Variants in ACTL7B observed in about 807,000 individuals in gnomAD.
ACTL7B encodes actin like 7B.
Under a neutral mutation model 17.5 loss-of-function variants are expected in ACTL7B, and 14 were observed. That is an observed-to-expected ratio of 0.80 (90% confidence interval 0.53 to 1.25). The LOEUF is 1.25. ACTL7B is among the 50% of genes most tolerant of loss of function. The pLI is 0.00. For synonymous variants in ACTL7B, 267 were observed against 252.4 expected, an observed-to-expected ratio of 1.06 and a Z score of -0.55; for missense variants, 599 against 573.9, an observed-to-expected ratio of 1.04 and a Z score of -0.45.
Position 108,855,696 on chromosome 9 carries a change from C to T in ACTL7B, c.235G>A (p.Val79Met). The change falls in exon 1 of 1, where the codon GTG (valine) becomes ATG (methionine). Residue 79 changes from valine (V) to methionine (M), a missense_variant. Coordinates refer to ENST00000374667, the MANE Select transcript of ACTL7B (RefSeq NM_006686.4). ...GCCGCCTCGGGGCAGCGTTTGCCCA[C>T]GGTGGAGGAGATGAAGTAGGTGGGC... ...PRPTYFISST[V>M]GKRCPEAADA... The T allele has an allele frequency of 6.2e-7, 1 of 1,611,104 alleles. No individual in the cohort carries two copies. The highest frequency in any genetic ancestry group is 1.3e-5 in the African/African-American group (1 of 75,076).
rs1219977233 is a variant in ACTL7B, at chr9:108,854,647, C to A, written c.*36G>T. On this transcript the variant is annotated 3_prime_UTR_variant, in exon 1 of 1. Transcript: ENST00000374667. The stretch of plus-strand genomic sequence containing the variant: ...TGTGTATAGAGAGGCCTGTGGCCAT[C>A]TGTGCTGGAGGCCTTGTCTGTGGAA... The A allele has an allele frequency of 6.9e-7, 1 of 1,444,150 alleles. No homozygotes were observed. The highest frequency in any genetic ancestry group is 2.0e-4 in the Middle Eastern group (1 of 4,898). The allele number at this position is 1,444,150 out of a possible 1,614,324, so 89.5% of individuals were successfully genotyped here.
Position 108,854,707 on chromosome 9 carries a change from G to T in ACTL7B, c.1224C>A (p.Ser408Arg), listed in dbSNP as rs769353389. The T allele has an allele frequency of 7.9e-6, 12 of 1,516,806 alleles. 1 individual carries two copies. In the South Asian group the frequency reaches 1.2e-4, roughly 15 times the overall value. 94.0% of individuals were successfully genotyped at this position (1,516,806 alleles called of 1,614,324 possible). Residue 408 changes from serine (S) to arginine (R), a missense_variant, in exon 1 of 1, where the codon AGC becomes AGA. Ser to Arg is a moderately radical substitution (Grantham distance 110, BLOSUM62 -1). Transcript: ENST00000374667. ...VSKEEFEERG[S>R]VAIYSKC is the part of the protein sequence containing the mutation. ...CTCAGCACTTGCTGTAGATGGCCAC[G>T]CTGCCCCGCTCCTCAAACTCTTCCT...
At position 108,854,790 on chromosome 9, in the gene ACTL7B, A is replaced by G. The variant is rs1827067464; in HGVS notation, c.1141T>C (p.Trp381Arg). 3 of 1,604,098 alleles carry G rather than the reference A, an allele frequency of 1.9e-6. No homozygotes were observed. The African/African-American group carries it at 4.0e-5, about 21-fold the overall frequency. Reference sequence around the variant, plus strand: ...GAGGCCAGGATGGAACCGCCGGTCCACACGGAGGTCTTCCTCTCAGGAGCG... The same window carrying G: ...GAGGCCAGGATGGAACCGCCGGTCCGCACGGAGGTCTTCCTCTCAGGAGCG... ...AAAPERKTSV[W>R]TGGSILASLQ... The change falls in exon 1 of 1, where the codon TGG becomes CGG. Residue 381 changes from tryptophan (W) to arginine (R), a missense_variant. By Grantham distance (101) the Trp-to-Arg change is moderately radical. Coordinates refer to ENST00000374667, the MANE Select transcript of ACTL7B (RefSeq NM_006686.4).
Position 108,855,662 on chromosome 9 carries a change from C to T in ACTL7B, c.269G>A (p.Gly90Asp). 1 of 1,612,992 alleles carries T rather than the reference C, an allele frequency of 6.2e-7. No individual in the cohort carries two copies. The highest frequency in any genetic ancestry group is 8.5e-7 in the Non-Finnish European group (1 of 1,180,036). ...GKRCPEAADA[G>D]DTRKWTLVGH... The stretch of plus-strand genomic sequence containing the variant: ...CACTAAAGTCCACTTGCGGGTGTCG[C>T]CAGCGTCGGCCGCCTCGGGGCAGCG... Residue 90 changes from glycine (G) to aspartate (D), a missense_variant, in exon 1 of 1, where the codon GGC becomes GAC. Coordinates refer to ENST00000374667, the MANE Select transcript of ACTL7B (RefSeq NM_006686.4).
In ACTL7B at chr9:108,854,741, C is replaced by T; in HGVS notation, c.1190G>A (p.Trp397Ter). The T allele has an allele frequency of 6.4e-7, 1 of 1,557,632 alleles. No homozygotes were observed. The highest frequency in any genetic ancestry group is 8.7e-7 in the Non-Finnish European group (1 of 1,152,660). Residue 397 changes from tryptophan (W) to a stop codon, truncating the protein, a stop_gained, in exon 1 of 1, where the codon TGG becomes TAG. Coordinates refer to ENST00000374667, the MANE Select transcript of ACTL7B (RefSeq NM_006686.4). LOFTEE classifies it high-confidence loss of function. The part of the protein sequence containing the change: ...LASLQAFQQL[W>*]VSKEEFEERG... ...CTCCTCAAACTCTTCCTTGCTGACC[C>T]AGAGCTGTTGGAAGGCCTGCAGGGA... is the stretch of plus-strand genomic sequence containing the variant.
At position 108,855,265 on chromosome 9, in the gene ACTL7B, G is replaced by C. The variant is rs1229456577; in HGVS notation, c.666C>G (p.Ala222=). 6.3e-7 allele frequency: 1 copy of C among 1,596,332 alleles called. No individual in the cohort carries two copies. Among genetic ancestry groups the C allele is most frequent in the Admixed American group, 1.7e-5 (1 of 59,822 alleles). The part of the protein sequence containing the change: ...GDVLPGLTSR[A]DYAGGDLTNY... Reference sequence around the variant, plus strand: ...TGGTGAGGTCACCCCCAGCGTAGTCGGCGCGGCTGGTCAGGCCCGGCAGCA... The same window carrying C: ...TGGTGAGGTCACCCCCAGCGTAGTCCGCGCGGCTGGTCAGGCCCGGCAGCA... The change falls in exon 1 of 1, where the codon GCC becomes GCG. Residue 222 remains alanine (A), a synonymous_variant. Coordinates refer to ENST00000374667, the MANE Select transcript of ACTL7B (RefSeq NM_006686.4).
chr9:108,855,363 C>T lies in ACTL7B; in HGVS notation c.568G>A (p.Gly190Ser). Residue 190 changes from glycine to serine, a missense_variant, in exon 1 of 1, where the codon GGC becomes AGC. Transcript: ENST00000374667. ...TCCACCACCAGCCCCGAGGTCTTGC[C>T]GTAGGAGTAGATGGACAGCAACGAC... ...SQSLLSIYSY[G>S]KTSGLVVESG... 3 of 1,611,962 alleles carry T rather than the reference C, an allele frequency of 1.9e-6. No homozygotes were observed. The highest frequency in any genetic ancestry group is 2.2e-5 in the South Asian group (2 of 91,088).
chr9:108,854,676 C>G lies in ACTL7B; in HGVS notation c.*7G>C. 1.3e-6 allele frequency: 2 copies of G among 1,492,462 alleles called. No individual in the cohort carries two copies. The highest frequency in any genetic ancestry group is 1.8e-6 in the Non-Finnish European group (2 of 1,119,298). The allele number at this position is 1,492,462 out of a possible 1,614,324, so 92.5% of individuals were successfully genotyped here. A position where few individuals can be genotyped will look rare whatever the true frequency, so the allele number is the denominator to read the frequency against. On this transcript the variant is annotated 3_prime_UTR_variant, in exon 1 of 1. Coordinates refer to ENST00000374667, the MANE Select transcript of ACTL7B (RefSeq NM_006686.4). ...GCTGGAGGCCTTGTCTGTGGAAATG[C>G]CGAGGCTCAGCACTTGCTGTAGATG... is the stretch of plus-strand genomic sequence containing the variant.
Position 108,855,066 on chromosome 9 carries a change from T to C in ACTL7B, c.865A>G (p.Ile289Val). Residue 289 changes from isoleucine (I) to valine (V), a missense_variant, in exon 1 of 1, where the codon ATC (isoleucine) becomes GTC (valine). Ile to Val is a conservative substitution (Grantham distance 29). Coordinates refer to ENST00000374667, the MANE Select transcript of ACTL7B (RefSeq NM_006686.4). ...CGGAAGCGCTCCTGGCCAATAGTGA[T>C]GAGTTTGCCGTCCGGGAGCTCGTAG... ...VDYELPDGKL[I>V]TIGQERFRCS... The C allele has an allele frequency of 1.3e-6, 2 of 1,561,138 alleles. No homozygotes were observed. Among genetic ancestry groups the C allele is most frequent in the Non-Finnish European group, 1.7e-6 (2 of 1,153,626 alleles).
In ACTL7B at chr9:108,855,115, C is replaced by G; in HGVS notation, c.816G>C (p.Leu272=). Residue 272 remains leucine (L), a synonymous_variant, in exon 1 of 1, where the codon CTG becomes CTC. Transcript: ENST00000374667. Reference sequence around the variant, plus strand: ...AGTCCACGCGCAGCTCCTCCGGGACCAGGCCCAGCTCCTCCTCGGGCAGGA... The same window carrying G: ...AGTCCACGCGCAGCTCCTCCGGGACGAGGCCCAGCTCCTCCTCGGGCAGGA... ...AAFLPEEELG[L]VPEELRVDYE... 1 of 1,606,338 alleles carries G rather than the reference C, an allele frequency of 6.2e-7. No homozygotes were observed. The highest frequency in any genetic ancestry group is 2.2e-5 in the East Asian group (1 of 44,848).
chr9:108,854,878 G>T lies in ACTL7B; in HGVS notation c.1053C>A (p.Phe351Leu). The change falls in exon 1 of 1, where the codon TTC (phenylalanine) becomes TTA (leucine). Residue 351 changes from phenylalanine to leucine, a missense_variant. Phe to Leu is a conservative substitution (Grantham distance 22, BLOSUM62 0). Coordinates refer to ENST00000374667, the MANE Select transcript of ACTL7B (RefSeq NM_006686.4). ...TCAGCTCCCTCTGGAAGCGCTCGGG[G>T]AAGCCATCCAGCATAGTGCAGCCGC... ...LCGGCTMLDG[F>L]PERFQRELSL... 1 of 1,534,190 alleles carries T rather than the reference G, an allele frequency of 6.5e-7. No individual in the cohort carries two copies. The highest frequency in any genetic ancestry group is 1.3e-5 in the South Asian group (1 of 78,672).
In ACTL7B at chr9:108,855,804, G is replaced by C. The variant is rs775300176; in HGVS notation, c.127C>G (p.Pro43Ala). 2.8e-5 allele frequency: 45 copies of C among 1,610,726 alleles called. No individual in the cohort carries two copies. The highest frequency in any genetic ancestry group is 5.3e-5 in the African/African-American group (4 of 74,930). ...TGAATQLKMK[P>A]RKVHKIKAVI... ...GCCTTGATCTTGTGCACCTTCCTGG[G>C]CTTCATCTTGAGCTGAGTGGCCGCA... The change falls in exon 1 of 1, where the codon CCC (proline) becomes GCC (alanine). Residue 43 changes from proline (P) to alanine (A), a missense_variant. Physicochemically the swap from Pro to Ala is conservative, Grantham distance 27. Coordinates refer to ENST00000374667, the MANE Select transcript of ACTL7B (RefSeq NM_006686.4).
Position 108,854,716 on chromosome 9 carries a change from C to A in ACTL7B, c.1215G>T (p.Glu405Asp). ...QLWVSKEEFE[E>D]RGSVAIYSKC ...TGCTGTAGATGGCCACGCTGCCCCG[C>A]TCCTCAAACTCTTCCTTGCTGACCC... Residue 405 changes from glutamate (E) to aspartate (D), a missense_variant, in exon 1 of 1, where the codon GAG (glutamate) becomes GAT (aspartate). Physicochemically the swap from Glu to Asp is conservative, Grantham distance 45. Transcript: ENST00000374667. 1 of 1,524,792 alleles carries A rather than the reference C, an allele frequency of 6.6e-7. No individual in the cohort carries two copies. The allele number at this position is 1,524,792 out of a possible 1,614,324, so 94.5% of individuals were successfully genotyped here.
Position 108,855,815 on chromosome 9 carries a change from A to T in ACTL7B, c.116T>A (p.Leu39His), listed in dbSNP as rs779945678. 4 of 1,611,094 alleles carry T rather than the reference A, an allele frequency of 2.5e-6. No homozygotes were observed. Among genetic ancestry groups the T allele is most frequent in the South Asian group, 2.2e-5 (2 of 91,080 alleles). ...SLRDTGAATQLKMKPRKVHKI... is the reference protein window; with the variant it reads ...SLRDTGAATQHKMKPRKVHKI... ...GTGCACCTTCCTGGGCTTCATCTTG[A>T]GCTGAGTGGCCGCACCTGTGTCCCG... The change falls in exon 1 of 1, where the codon CTC becomes CAC. Residue 39 changes from leucine to histidine, a missense_variant. Leu to His is a moderately conservative substitution (Grantham distance 99). Coordinates refer to ENST00000374667, the MANE Select transcript of ACTL7B (RefSeq NM_006686.4).
rs775430462 is a variant in ACTL7B, at chr9:108,855,739, G to T, written c.192C>A (p.Gly64=). 3 of 1,608,954 alleles carry T rather than the reference G, an allele frequency of 1.9e-6. No individual in the cohort carries two copies. Among genetic ancestry groups the T allele is most frequent in the Non-Finnish European group, 1.7e-6 (2 of 1,179,972 alleles). The change falls in exon 1 of 1, where the codon GGC becomes GGA. Residue 64 remains glycine (G), a synonymous_variant. Coordinates refer to ENST00000374667, the MANE Select transcript of ACTL7B (RefSeq NM_006686.4). ...AGGTGGGCCTCGGCTCTCCCGCGTAGCCGCACTTGCAGTACTGGGAGCCCA... is the reference window on the plus strand; with the variant it reads ...AGGTGGGCCTCGGCTCTCCCGCGTATCCGCACTTGCAGTACTGGGAGCCCA... ...IDLGSQYCKC[G]YAGEPRPTYF...
chr9:108,855,687 G>C lies in ACTL7B; in HGVS notation c.244C>G (p.Arg82Gly), dbSNP rs140561800. Residue 82 changes from arginine to glycine, a missense_variant, in exon 1 of 1, where the codon CGC (arginine) becomes GGC (glycine). Coordinates refer to ENST00000374667, the MANE Select transcript of ACTL7B (RefSeq NM_006686.4). Reference protein sequence around the residue: ...TYFISSTVGKRCPEAADAGDT... With the variant: ...TYFISSTVGKGCPEAADAGDT... ...CCAGCGTCGGCCGCCTCGGGGCAGCGTTTGCCCACGGTGGAGGAGATGAAG... is the reference window on the plus strand; with the variant it reads ...CCAGCGTCGGCCGCCTCGGGGCAGCCTTTGCCCACGGTGGAGGAGATGAAG... The C allele has an allele frequency of 2.5e-6, 4 of 1,611,628 alleles. No individual in the cohort carries two copies. The highest frequency in any genetic ancestry group is 1.3e-5 in the African/African-American group (1 of 75,074).
Position 108,855,055 on chromosome 9 carries a change from G to A in ACTL7B, c.876C>T (p.Gly292=). ...ELPDGKLITI[G]QERFRCSEML... is the part of the protein sequence containing the mutation. ...TCTCAGAGCAACGGAAGCGCTCCTG[G>A]CCAATAGTGATGAGTTTGCCGTCCG... The change falls in exon 1 of 1, where the codon GGC becomes GGT. Residue 292 remains glycine (G), a synonymous_variant. Coordinates refer to ENST00000374667, the MANE Select transcript of ACTL7B (RefSeq NM_006686.4). 1 of 1,554,118 alleles carries A rather than the reference G, an allele frequency of 6.4e-7. No homozygotes were observed. The highest frequency in any genetic ancestry group is 1.2e-5 in the South Asian group (1 of 80,636).
chr9:108,854,999 G>T lies in ACTL7B; in HGVS notation c.932C>A (p.Thr311Asn), dbSNP rs1360208999. 9.2e-6 allele frequency: 14 copies of T among 1,517,668 alleles called. No individual in the cohort carries two copies. The highest frequency in any genetic ancestry group is 5.3e-5 in the South Asian group (4 of 75,770). The allele number at this position is 1,517,668 out of a possible 1,614,324, so 94.0% of individuals were successfully genotyped here. A position where few individuals can be genotyped will look rare whatever the true frequency, so the allele number is the denominator to read the frequency against. Reference protein sequence around the residue: ...MLFQPSLAGSTQPGLPELTAA... With the variant: ...MLFQPSLAGSNQPGLPELTAA... ...TGTGAGCTCCGGGAGGCCCGGCTGG[G>T]TGCTGCCTGCCAGGGAGGGCTGGAA... The change falls in exon 1 of 1, where the codon ACC (threonine) becomes AAC (asparagine). Residue 311 changes from threonine (T) to asparagine (N), a missense_variant. By Grantham distance (65) the Thr-to-Asn change is moderately conservative. Coordinates refer to ENST00000374667, the MANE Select transcript of ACTL7B (RefSeq NM_006686.4).
chr9:108,855,351 C>G lies in ACTL7B; in HGVS notation c.580G>C (p.Gly194Arg), dbSNP rs760619623. 1.5e-5 allele frequency: 24 copies of G among 1,610,590 alleles called. No homozygotes were observed. In the Admixed American group the frequency reaches 1.5e-4, roughly 10 times the overall value. Residue 194 changes from glycine (G) to arginine (R), a missense_variant, in exon 1 of 1, where the codon GGG becomes CGG. Physicochemically the swap from Gly to Arg is moderately radical, Grantham distance 125. Coordinates refer to ENST00000374667, the MANE Select transcript of ACTL7B (RefSeq NM_006686.4). ...CCGTGCCCGCTCTCCACCACCAGCCCCGAGGTCTTGCCGTAGGAGTAGATG... is the reference window on the plus strand; with the variant it reads ...CCGTGCCCGCTCTCCACCACCAGCCGCGAGGTCTTGCCGTAGGAGTAGATG... ...LSIYSYGKTS[G>R]LVVESGHGVS... is the part of the protein sequence containing the mutation.
Sources: gnomAD v4.1 joint callset for allele counts on GRCh38, gnomAD v4.1.1 for gene constraint, MANE v1.5 for transcripts, NCBI Gene and HGNC (gene_info 2026-07-23, HGNC 2026-07-21) for gene names.